RARB: variants seen among roughly 807,000 people sequenced by gnomAD.
The protein encoded by RARB is HBV-activated protein.
In RARB, 17 loss-of-function variants were observed where a neutral mutation model predicts 51.9. That is an observed-to-expected ratio of 0.33 (90% CI 0.22 to 0.49). The LOEUF (loss-of-function observed/expected upper bound fraction) is 0.49, where lower values mean the gene tolerates loss of function less well. Among genes scored for constraint, RARB ranks in the 20% least tolerant of loss-of-function variants. The probability of loss-of-function intolerance (pLI) is 0.99; values close to 1 mark genes in which losing one functional copy is unlikely to be tolerated. For missense variants in RARB, 369 were observed against 550.8 expected (o/e 0.67, Z 3.30); for synonymous variants, 215 against 195.4 (o/e 1.10, Z -0.84).
chr3:25,549,317 AGT>A (rs1013295489), intron 3 of RARB, among the ~76,000 whole-genome samples: 1 of 152,160 alleles, frequency 6.6e-6, no homozygotes, highest in African/African-American at 2.4e-5. Context: ...AACCTGGCAG[AGT>A]GAGAAATTCA....
chr3:25,568,826 G>T (rs2125284053), intron 3 of RARB, among the ~76,000 whole-genome samples: 1 of 152,328 alleles, frequency 6.6e-6, no homozygotes, highest in East Asian at 1.9e-4. Flanking sequence ...GGAGGGGGTG[G>T]CATGGTCTGT....
chr3:25,357,333 A>G (rs147561262), intron 5 of RARB, among the ~76,000 whole-genome samples: 2 of 152,310 alleles, frequency 1.3e-5, no homozygotes, highest in East Asian at 1.9e-4. Context: ...GTATCTGCTC[A>G]TATCCTTCTC....
At chr3:25,344,801 T>G (rs1705338267) in intron 5 of RARB, among the ~76,000 whole-genome samples, 1 of 152,210 alleles carries the variant, frequency 6.6e-6, no homozygotes, top group Admixed American at 6.5e-5. Context: ...ATAAAAGCTT[T>G]TTGGAATCAA....
intron 3 of RARB, among the ~76,000 whole-genome samples, chr3:25,112,398 A>G (rs561249857): frequency 6.6e-6 from 1 of 152,314 alleles, no homozygotes; most frequent in South Asian, 2.1e-4. Context: ...AAAATTTGAT[A>G]TAAAATTAAA....
intron 5 of RARB, among the ~76,000 whole-genome samples, chr3:25,204,806 C>T (rs904305376): frequency 2.0e-5 from 3 of 152,168 alleles, no homozygotes; most frequent in African/African-American, 7.2e-5. Context: ...AGAGTAGTAC[C>T]CAGCCGTGTG....
intron 5 of RARB, among the ~76,000 whole-genome samples, chr3:25,332,957 T>C (rs1375404598): frequency 6.6e-6 from 1 of 152,008 alleles, no homozygotes; most frequent in Non-Finnish European, 1.5e-5. Flanking sequence ...TACCTAGGAA[T>C]CCAACGTACA....
intron 5 of RARB, among the ~76,000 whole-genome samples, chr3:25,584,634 G>A (rs9813642): frequency 0.034 from 5,133 of 152,194 alleles, 291 homozygotes; most frequent in African/African-American, 0.12. Context: ...GAGCCAGCGG[G>A]GGCGAGACCT....
At chr3:25,413,047 A>C (rs1324972138) in intron 5 of RARB, among the ~76,000 whole-genome samples, 2 of 151,916 alleles carry the variant, frequency 1.3e-5, no homozygotes, top group African/African-American at 4.8e-5. Context: ...GAAGAAGAAG[A>C]AAGAAAAAAT....
At chr3:25,547,421 A>G (rs1699661226) in intron 3 of RARB, among the ~76,000 whole-genome samples, 1 of 152,212 alleles carries the variant, frequency 6.6e-6, no homozygotes, top group Non-Finnish European at 1.5e-5. Context: ...AATGCTCAAT[A>G]ATTGCCATCT....
At chr3:25,277,094 A>G (rs1703407835) in intron 5 of RARB, among the ~76,000 whole-genome samples, 1 of 152,234 alleles carries the variant, frequency 6.6e-6, no homozygotes, top group Non-Finnish European at 1.5e-5. Flanking sequence ...ATACCCACGT[A>G]TTACTGGAAA....
intron 5 of RARB, among the ~76,000 whole-genome samples, chr3:25,202,813 T>C (rs1473206452): frequency 6.6e-6 from 1 of 152,238 alleles, no homozygotes; most frequent in Non-Finnish European, 1.5e-5. Context: ...TCTGTTATAA[T>C]TTCTGTTCTT....
intron 5 of RARB, among the ~76,000 whole-genome samples, chr3:25,405,537 C>T (rs1274857173): frequency 1.3e-5 from 2 of 152,134 alleles, no homozygotes; most frequent in African/African-American, 2.4e-5. Context: ...ATGTCATGTA[C>T]AGAGATAAAA....
Position 25,428,368 on chromosome 3 carries a change from CCG to C in RARB, c.-363_-362del. Reference sequence around the variant, plus strand: ...TGCGAGCTGTTTGAGGACTGGGATGCCGAGAACGCGAGCGATCCGAGCAGGGT... The same window carrying C: ...TGCGAGCTGTTTGAGGACTGGGATGCAGAACGCGAGCGATCCGAGCAGGGT... On this transcript the variant is annotated 5_prime_UTR_variant, in exon 1 of 8. An upstream open reading frame in the 5' UTR loses its in-frame stop. Transcript: ENST00000330688. The C allele has an allele frequency of 2.4e-6, 3 of 1,248,042 alleles. No individual in the cohort carries two copies. The highest frequency in any genetic ancestry group is 3.0e-6 in the Non-Finnish European group (3 of 997,622). 77.3% of individuals were successfully genotyped at this position (1,248,042 alleles called of 1,614,324 possible). A position where few individuals can be genotyped will look rare whatever the true frequency, so the allele number is the denominator to read the frequency against.
intron 5 of RARB, among the ~76,000 whole-genome samples, chr3:25,286,302 A>C (rs6790387): frequency 0.18 from 26,674 of 151,838 alleles, 2,857 homozygotes; most frequent in Admixed American, 0.29. Flanking sequence ...GTTAGCCAGG[A>C]TGGTCTCGAT....
intron 2 of RARB, among the ~76,000 whole-genome samples, chr3:24,907,105 A>G (rs1419147202): frequency 6.6e-6 from 1 of 152,166 alleles, no homozygotes; most frequent in Non-Finnish European, 1.5e-5. Context: ...CCCATGTGAT[A>G]GGTATTATTC....
At chr3:25,251,572 A>G (rs1464835303) in intron 5 of RARB, among the ~76,000 whole-genome samples, 4 of 152,116 alleles carry the variant, frequency 2.6e-5, no homozygotes, top group African/African-American at 9.7e-5. Context: ...GTGAAATGAC[A>G]TTTTATTGTG....
intron 3 of RARB, among the ~76,000 whole-genome samples, chr3:25,506,277 C>A (rs76298864): frequency 0.016 from 1,690 of 107,188 alleles, 10 homozygotes; most frequent in Non-Finnish European, 0.021. Context: ...AAAAAAAAAA[C>A]CAGCTCTTTT....
chr3:25,028,989 G>A (rs890522595), intron 2 of RARB, among the ~76,000 whole-genome samples: 3 of 152,198 alleles, frequency 2.0e-5, no homozygotes, highest in South Asian at 2.1e-4. Context: ...GAGCCCAGGC[G>A]TGTTCTCAAC....
chr3:25,465,036 A>G (rs1695363221), intron 2 of RARB, among the ~76,000 whole-genome samples: 1 of 152,190 alleles, frequency 6.6e-6, no homozygotes, highest in Admixed American at 6.5e-5. Flanking sequence ...TATCTCTGAA[A>G]ATTTCCTTAG....
Sources: gnomAD v4.1 joint callset for allele counts (sites outside exome capture counted in the v4.1 genomes callset) on GRCh38, gnomAD v4.1.1 for gene constraint, MANE v1.5 for transcripts, NCBI Gene and HGNC (gene_info 2026-07-23, HGNC 2026-07-21) for gene names.